Variants in STAC observed in about 807,000 individuals in gnomAD.
The protein encoded by STAC is SH3 and cysteine rich domain.
In STAC, 43 loss-of-function variants were observed where a neutral mutation model predicts 48.8. That is an observed-to-expected ratio of 0.88 (90% CI 0.69 to 1.14). STAC has a LOEUF of 1.14. Ranked by LOEUF, STAC falls within the 50% of genes most tolerant of loss-of-function variation. The pLI, the probability that STAC is intolerant of heterozygous loss-of-function variation, is 0.00. For missense variants in STAC, 497 were observed against 504.0 expected (o/e 0.99, Z 0.13); for synonymous variants, 193 against 179.5 (o/e 1.07, Z -0.60).
chr3:36,468,402 C>A (rs1697234010), intron 2 of STAC, among the ~76,000 whole-genome samples: 2 of 151,870 alleles, frequency 1.3e-5, no homozygotes, highest in African/African-American at 2.4e-5. Flanking sequence ...CTGTAAATAT[C>A]TGTTAAGGCC....
intron 1 of STAC, among the ~76,000 whole-genome samples, chr3:36,403,248 C>G (rs761679661): frequency 2.0e-5 from 3 of 152,062 alleles, no homozygotes; most frequent in Non-Finnish European, 4.4e-5. Flanking sequence ...ATGAACAATT[C>G]TGAAGACTGA....
chr3:36,490,641 T>C (rs1697944126), intron 5 of STAC, among the ~76,000 whole-genome samples: 1 of 151,962 alleles, frequency 6.6e-6, no homozygotes, highest in African/African-American at 2.4e-5. Flanking sequence ...GAGCAGTAGA[T>C]GGCTGCTCCT....
chr3:36,484,147 C>T (rs192963516), intron 3 of STAC, among the ~76,000 whole-genome samples: 1 of 152,194 alleles, frequency 6.6e-6, no homozygotes, highest in East Asian at 1.9e-4. Context: ...GGGGAAAGAC[C>T]TAAGATCAGT....
chr3:36,463,183 C>CT (rs556819988), intron 2 of STAC, among the ~76,000 whole-genome samples: 1 of 152,074 alleles, frequency 6.6e-6, no homozygotes, highest in Admixed American at 6.6e-5. Context: ...AATTAAGAAG[C>CT]TTTTTTGTTA....
chr3:36,440,289 C>T lies in STAC; in HGVS notation c.112-3075C>T, dbSNP rs566220198. 5.9e-5 allele frequency among the ~76,000 whole-genome samples: 9 copies of T among 152,314 alleles called. No individual in the cohort carries two copies. In the South Asian group the frequency reaches 1.2e-3, roughly 21 times the overall value. On this transcript the variant is annotated intron_variant, in intron 1 of 10. Transcript: ENST00000273183. ...TACCAGTTATCTATTGCTGTGTACA[C>T]GCAATAGATACCTAATTTAATGACT... is the stretch of plus-strand genomic sequence containing the variant.
At chr3:36,471,071 C>A (rs917712845) in intron 2 of STAC, among the ~76,000 whole-genome samples, 1 of 152,010 alleles carries the variant, frequency 6.6e-6, no homozygotes, top group Non-Finnish European at 1.5e-5. Flanking sequence ...AAGACATACC[C>A]GAAACTGGGA....
chr3:36,479,260 CT>C (rs989810947), intron 2 of STAC, among the ~76,000 whole-genome samples: 8 of 151,578 alleles, frequency 5.3e-5, no homozygotes, highest in South Asian at 2.1e-4. Flanking sequence ...GGTTGCAAAT[CT>C]TTTTTTTTCT....
chr3:36,463,722 A>T (rs189969752), intron 2 of STAC, among the ~76,000 whole-genome samples: 4,393 of 129,602 alleles, frequency 0.034, 196 homozygotes, highest in African/African-American at 0.12. Flanking sequence ...TGTCCATGTG[A>T]TCTCATTGTT....
At chr3:36,518,401 C>T (rs758411089) in intron 8 of STAC, among the ~76,000 whole-genome samples, 3 of 151,596 alleles carry the variant, frequency 2.0e-5, no homozygotes, top group Admixed American at 2.0e-4. Flanking sequence ...TGATAATGGC[C>T]ATTTTTCATA....
chr3:36,432,871 T>C (rs1012235342), intron 1 of STAC, among the ~76,000 whole-genome samples: 23 of 152,228 alleles, frequency 1.5e-4, no homozygotes, highest in African/African-American at 4.8e-4. Flanking sequence ...ATAATAGTAC[T>C]GCCTCATAGG....
At chr3:36,473,932 T>A (rs1697417581) in intron 2 of STAC, among the ~76,000 whole-genome samples, 1 of 152,214 alleles carries the variant, frequency 6.6e-6, no homozygotes, top group African/African-American at 2.4e-5. Flanking sequence ...TAGGTAGGTG[T>A]GTGACAAAAC....
At chr3:36,398,930 G>A (rs532061833) in intron 1 of STAC, among the ~76,000 whole-genome samples, 1 of 152,310 alleles carries the variant, frequency 6.6e-6, no homozygotes, top group South Asian at 2.1e-4. Flanking sequence ...TTCATGGAAG[G>A]TGTGCTGTCA....
intron 1 of STAC, among the ~76,000 whole-genome samples, chr3:36,389,508 A>G (rs2125614768): frequency 6.6e-6 from 1 of 152,298 alleles, no homozygotes; most frequent in South Asian, 2.1e-4. Flanking sequence ...ATTTCAGGGG[A>G]ACACAAACAT....
intron 2 of STAC, among the ~76,000 whole-genome samples, chr3:36,476,003 C>A (rs1034484376): frequency 4.6e-5 from 7 of 152,248 alleles, no homozygotes; most frequent in African/African-American, 1.7e-4. Context: ...TACATAAAGA[C>A]CTGTAGGCAG....
At chr3:36,511,189 T>C (rs1698529663) in intron 8 of STAC, among the ~76,000 whole-genome samples, 2 of 152,122 alleles carry the variant, frequency 1.3e-5, no homozygotes. Context: ...GTTCACATCC[T>C]ACTTGTTGTG....
chr3:36,529,335 GCTCT>G, intron 10 of STAC: 2 of 161,628 alleles, frequency 1.2e-5, no homozygotes, highest in East Asian at 3.5e-4. Flanking sequence ...ATTCTTCAGT[GCTCT>G]CTAACAAATA....
intron 8 of STAC, among the ~76,000 whole-genome samples, chr3:36,527,298 T>A (rs1332236108): frequency 6.6e-6 from 1 of 152,184 alleles, no homozygotes; most frequent in Non-Finnish European, 1.5e-5. Flanking sequence ...TAATAATCTC[T>A]ATACAATCCA....
chr3:36,541,763 A>T (rs1021794388), intron 10 of STAC, among the ~76,000 whole-genome samples: 1 of 152,194 alleles, frequency 6.6e-6, no homozygotes, highest in Admixed American at 6.5e-5. Context: ...GGAGCTGGCC[A>T]TAGCTGAGCT....
chr3:36,484,008 G>C (rs930587858), intron 3 of STAC, among the ~76,000 whole-genome samples: 9 of 152,132 alleles, frequency 5.9e-5, no homozygotes, highest in African/African-American at 2.2e-4. Flanking sequence ...AACTAGGATG[G>C]CCAAAGAATT....
Sources: allele counts gnomAD v4.1 joint callset (sites outside exome capture counted in the v4.1 genomes callset), GRCh38; gene constraint gnomAD v4.1.1; transcripts MANE v1.5; gene names NCBI Gene and HGNC (gene_info 2026-07-23, HGNC 2026-07-21).